The following ATP6V1C2 variants were observed in gnomAD, a reference collection of about 807,000 sequenced individuals.
ATP6V1C2 encodes V-type proton ATPase subunit C 2.
A neutral mutation model predicts 56.8 loss-of-function variants in ATP6V1C2; 45 were observed. The observed-to-expected ratio is 0.79, with a 90% CI of 0.62 to 1.02. The LOEUF (loss-of-function observed/expected upper bound fraction) is 1.02. Among genes scored for constraint, ATP6V1C2 ranks in the 50% least tolerant of loss-of-function variants. ATP6V1C2 has a pLI of 0.00. For missense variants in ATP6V1C2, 463 were observed against 519.7 expected (o/e 0.89, Z 1.06); for synonymous variants, 220 against 201.3 (o/e 1.09, Z -0.79).
intron 8 of ATP6V1C2, among the ~76,000 whole-genome samples, chr2:10,773,840 C>T (rs945288036): frequency 9.9e-5 from 15 of 152,178 alleles, no homozygotes; most frequent in Admixed American, 2.6e-4. Context: ...TGCTGGGGGA[C>T]GGGGATCTCC....
Position 10,784,252 on chromosome 2 carries a change from T to C in ATP6V1C2, c.*989T>C. 1.2e-6 allele frequency: 2 copies of C among 1,610,242 alleles called. No individual in the cohort carries two copies. Among genetic ancestry groups the C allele is most frequent in the Non-Finnish European group, 8.5e-7 (1 of 1,177,618 alleles). On this transcript the variant is annotated 3_prime_UTR_variant, in exon 14 of 14. Coordinates refer to ENST00000272238, the MANE Select transcript of ATP6V1C2 (RefSeq NM_001039362.2). ...AGAAAATGGTCTGAAGCCTCTGTTG[T>C]GGCTCTCACAACTCATCTTTCCCTA...
intron 8 of ATP6V1C2, among the ~76,000 whole-genome samples, chr2:10,773,414 ACT>A (rs1664757166): frequency 6.6e-6 from 1 of 151,956 alleles, no homozygotes; most frequent in Non-Finnish European, 1.5e-5. Flanking sequence ...ATGGAGTCTC[ACT>A]CTGTTGCCCA....
At chr2:10,754,673 C>T (rs190829979) in intron 4 of ATP6V1C2, among the ~76,000 whole-genome samples, 25 of 150,684 alleles carry the variant, frequency 1.7e-4, no homozygotes, top group Non-Finnish European at 3.1e-4. Flanking sequence ...TCTGGGTTCA[C>T]GCCATTCTCC....
intron 3 of ATP6V1C2, among the ~76,000 whole-genome samples, chr2:10,739,333 G>T (rs1054915653): frequency 6.6e-6 from 1 of 152,062 alleles, no homozygotes; most frequent in East Asian, 1.9e-4. Context: ...TGGCTCTCCT[G>T]CATGAAACCC....
At chr2:10,754,748 G>T (rs1013552740) in intron 4 of ATP6V1C2, among the ~76,000 whole-genome samples, 14 of 151,746 alleles carry the variant, frequency 9.2e-5, no homozygotes. Flanking sequence ...AATTTTGTGT[G>T]TGTGTGTTTT....
rs1305216872 is a variant in ATP6V1C2 at position 10,784,864 on chromosome 2, G to T, written c.*1601G>T. The T allele has an allele frequency of 2.6e-6, 3 of 1,145,398 alleles. No individual in the cohort carries two copies. The highest frequency in any genetic ancestry group is 3.9e-6 in the Non-Finnish European group (3 of 778,292). 71.0% of individuals were successfully genotyped at this position (1,145,398 alleles called of 1,614,324 possible). On this transcript the variant is annotated 3_prime_UTR_variant, in exon 14 of 14. Transcript: ENST00000272238. ...TGATGGGAAGGACTTGACTCCAGGT[G>T]CAGAGATGCACAGGCTCAAGAGAGT...
intron 12 of ATP6V1C2, among the ~76,000 whole-genome samples, chr2:10,781,753 G>T (rs1665371037): frequency 6.6e-6 from 1 of 152,214 alleles, no homozygotes; most frequent in Non-Finnish European, 1.5e-5. Context: ...TAACACCCCA[G>T]GAATAGCTCA....
chr2:10,735,183 T>G (rs1662184102), intron 3 of ATP6V1C2, among the ~76,000 whole-genome samples: 1 of 152,250 alleles, frequency 6.6e-6, no homozygotes, highest in Non-Finnish European at 1.5e-5. Flanking sequence ...CTAGACCTTT[T>G]TTTTGAGATG....
intron 5 of ATP6V1C2, among the ~76,000 whole-genome samples, chr2:10,766,090 G>A (rs1664204073): frequency 6.6e-6 from 1 of 152,206 alleles, no homozygotes; most frequent in Non-Finnish European, 1.5e-5. Context: ...AGCGGTTGGA[G>A]TATTATGCCG....
At chr2:10,732,170 C>T (rs958413202) in intron 3 of ATP6V1C2, among the ~76,000 whole-genome samples, 1 of 152,032 alleles carries the variant, frequency 6.6e-6, no homozygotes, top group Non-Finnish European at 1.5e-5. Context: ...TAGTTTCTTT[C>T]TTGCTTTCTT....
intron 1 of ATP6V1C2, among the ~76,000 whole-genome samples, chr2:10,722,163 C>T (rs987262266): frequency 6.6e-6 from 1 of 152,146 alleles, no homozygotes; most frequent in Non-Finnish European, 1.5e-5. Flanking sequence ...GAAGGAGCAG[C>T]ACGAATCGAA....
At chr2:10,744,323 A>AGTG (rs1662742397) in intron 3 of ATP6V1C2, 4 of 152,254 alleles carry the variant, frequency 2.6e-5, no homozygotes. Context: ...TCATCTCAGC[A>AGTG]GTGCGTTGAT....
intron 13 of ATP6V1C2, 49 bp downstream of exon 13, chr2:10,782,424 C>T (rs758089152): frequency 1.3e-6 from 2 of 1,597,926 alleles, no homozygotes; most frequent in Non-Finnish European, 1.7e-6. Context: ...CAGCATCTTA[C>T]TTTCAAAAAA....
chr2:10,783,177 T>C lies in ATP6V1C2; in HGVS notation c.1198T>C (p.Ser400Pro). 2 of 1,611,898 alleles carry C rather than the reference T, an allele frequency of 1.2e-6. No homozygotes were observed. Among genetic ancestry groups the C allele is most frequent in the Non-Finnish European group, 1.7e-6 (2 of 1,178,006 alleles). Residue 400 changes from serine to proline, a missense_variant, in exon 14 of 14, where the codon TCT becomes CCT. By Grantham distance (74) the Ser-to-Pro change is moderately conservative. Transcript: ENST00000272238. The stretch of plus-strand genomic sequence containing the variant: ...ATTACCATGTCTTCTTTTGTAGGCA[T>C]CTGTGGAGATCCCGGGACTGCAACT... ...EVAATSILDA[S>P]VEIPGLQLNN...
chr2:10,783,959 C>G lies in ATP6V1C2; in HGVS notation c.*696C>G, dbSNP rs558700720. On this transcript the variant is annotated 3_prime_UTR_variant, in exon 14 of 14. Coordinates refer to ENST00000272238, the MANE Select transcript of ATP6V1C2 (RefSeq NM_001039362.2). ...AAACCCATACATAAGAAACAGCCTC[C>G]AAGAACATTCAAGCAGCAGTCAGAG... The G allele has an allele frequency of 1.4e-4, 34 of 237,918 alleles. 1 individual carries two copies. In the South Asian group the frequency reaches 5.1e-3, roughly 36 times the overall value. 14.7% of individuals were successfully genotyped at this position (237,918 alleles called of 1,614,324 possible).
intron 6 of ATP6V1C2, among the ~76,000 whole-genome samples, 191 bp from the exon 7 acceptor site, chr2:10,771,648 C>T (rs980422383): frequency 6.6e-6 from 1 of 152,210 alleles, no homozygotes. Context: ...GTGGCCCCAG[C>T]ACAGAGCCTG....
In ATP6V1C2 at chr2:10,768,752, C is replaced by T. The variant is rs760551627; in HGVS notation, c.412C>T (p.Arg138Ter). 9.3e-6 allele frequency: 15 copies of T among 1,613,886 alleles called. No individual in the cohort carries two copies. Among genetic ancestry groups the T allele is most frequent in the East Asian group, 8.9e-5 (4 of 44,896 alleles). ...LAQIEMDLKS[R>*]TAAYNTLKTN... ...GCAGATCGAGATGGACCTGAAGTCC[C>T]GAACGGCCGCCTACAACACTCTGAA... The change falls in exon 6 of 14, where the codon CGA becomes TGA. Residue 138 changes from arginine (R) to a stop codon, truncating the protein, a stop_gained. Coordinates refer to ENST00000272238, the MANE Select transcript of ATP6V1C2 (RefSeq NM_001039362.2). LOFTEE classifies it high-confidence loss of function.
intron 2 of ATP6V1C2, among the ~76,000 whole-genome samples, chr2:10,725,283 C>T (rs1288958502): frequency 2.0e-5 from 3 of 151,614 alleles, no homozygotes; most frequent in Admixed American, 2.0e-4. Context: ...AGGCGTGGGG[C>T]ACATGCCTGT....
At position 10,771,957 on chromosome 2, in the gene ATP6V1C2, G is replaced by A. The variant is rs779938143; in HGVS notation, c.569+20G>A. 1.9e-6 allele frequency: 3 copies of A among 1,605,530 alleles called. No homozygotes were observed. Among genetic ancestry groups the A allele is most frequent in the African/African-American group, 1.3e-5 (1 of 74,720 alleles). On this transcript the variant is annotated intron_variant, in intron 7 of 13. Transcript: ENST00000272238. ...CCCCAAGTGAGTGCTGGGCGATCAC[G>A]AAGGAAACCGGCCCTGCCCAGTGGA...
Sources: allele counts gnomAD v4.1 joint callset (sites outside exome capture counted in the v4.1 genomes callset), GRCh38; gene constraint gnomAD v4.1.1; transcripts MANE v1.5; gene names NCBI Gene and HGNC (gene_info 2026-07-23, HGNC 2026-07-21).